ATP6V1H: variants seen among roughly 807,000 people sequenced by gnomAD.
ATP6V1H encodes the protein V-type proton ATPase subunit H.
A neutral mutation model predicts 71.7 loss-of-function variants in ATP6V1H; 39 were observed. The observed-to-expected ratio is 0.54, with a 90% CI of 0.42 to 0.71. The LOEUF is 0.71. Ranked by LOEUF, ATP6V1H falls within the 30% of genes least tolerant of loss-of-function variation. The pLI is 0.00. For missense variants in ATP6V1H, 509 were observed against 594.9 expected (o/e 0.86, Z 1.50); for synonymous variants, 192 against 199.3 (o/e 0.96, Z 0.31).
Position 53,795,643 on chromosome 8 carries a change from T to A in ATP6V1H, c.870+4A>T. On this transcript the variant is annotated splice_donor_region_variant and intron_variant, in intron 9 of 13. Coordinates refer to ENST00000359530, the MANE Select transcript of ATP6V1H (RefSeq NM_015941.4). ...ATACACACAAACCAACATAAAACACTTACACGAAATGCTGCAAGAATGATT... is the reference window on the plus strand; with the variant it reads ...ATACACACAAACCAACATAAAACACATACACGAAATGCTGCAAGAATGATT... 1 of 1,612,176 alleles carries A rather than the reference T, an allele frequency of 6.2e-7. No individual in the cohort carries two copies. The highest frequency in any genetic ancestry group is 8.5e-7 in the Non-Finnish European group (1 of 1,179,446).
chr8:53,825,355 A>T (rs1027689942), intron 4 of ATP6V1H, among the ~76,000 whole-genome samples: 2 of 151,612 alleles, frequency 1.3e-5, no homozygotes, highest in East Asian at 3.9e-4. Context: ...TTTTTTTTTT[A>T]AATAGTAACT....
At chr8:53,830,555 T>TA (rs920238452) in intron 3 of ATP6V1H, among the ~76,000 whole-genome samples, 37 of 145,886 alleles carry the variant, frequency 2.5e-4, no homozygotes, top group South Asian at 6.4e-4. Flanking sequence ...TAAGCAAAAT[T>TA]AAAAAAAAAA....
chr8:53,837,397 G>A (rs1349115956), intron 2 of ATP6V1H, among the ~76,000 whole-genome samples: 1 of 151,850 alleles, frequency 6.6e-6, no homozygotes, highest in Non-Finnish European at 1.5e-5. Context: ...TTTTCAGCCT[G>A]CACTCCAGTG....
intron 4 of ATP6V1H, among the ~76,000 whole-genome samples, chr8:53,818,205 T>C (rs994969117): frequency 2.6e-5 from 4 of 152,198 alleles, no homozygotes; most frequent in African/African-American, 9.6e-5. Flanking sequence ...TTTTAAAAAT[T>C]TTTTTACTAC....
rs200203684 is a variant in ATP6V1H, at chr8:53,834,427, TTTTG to T, written c.114-1345_114-1342del. 8.0e-3 allele frequency among the ~76,000 whole-genome samples: 1,212 copies of T among 152,284 alleles called. 4 individuals carry two copies. The highest frequency in any genetic ancestry group is 0.015 in the South Asian group (74 of 4,824). On this transcript the variant is annotated intron_variant, in intron 2 of 13. Transcript: ENST00000359530. ...CAACACCAATATAGTTTTTTTGGTT[TTTTG>T]TTTGTTTGTTTTTGAGACAGAGTCT...
rs78731412 is a variant in ATP6V1H, at chr8:53,813,836, C to T, written c.525+826G>A. ...AAGCAACCAACATGACCAGTAGGTT[C>T]GTTAGGCCTAACTAATCCCACCCTG... On this transcript the variant is annotated intron_variant, in intron 6 of 13. Transcript: ENST00000359530. Among the ~76,000 whole-genome samples, 1,272 of 152,296 alleles carry T rather than the reference C, an allele frequency of 8.4e-3. 3 individuals carry two copies. Among genetic ancestry groups the T allele is most frequent in the Non-Finnish European group, 0.012 (825 of 68,032 alleles).
chr8:53,742,753 C>T (rs181226276), intron 13 of ATP6V1H, among the ~76,000 whole-genome samples: 2 of 152,356 alleles, frequency 1.3e-5, no homozygotes, highest in East Asian at 3.9e-4. Flanking sequence ...TCTTCAAACG[C>T]ACTCATGCTA....
At position 53,833,033 on chromosome 8, in the gene ATP6V1H, T is replaced by G. The variant is rs138026322; in HGVS notation, c.167A>C (p.Lys56Thr). Residue 56 changes from lysine (K) to threonine (T), a missense_variant, in exon 3 of 14, where the codon AAA (lysine) becomes ACA (threonine). By Grantham distance (78) the Lys-to-Thr change is moderately conservative. Around this residue, in one of 2 missense-constraint regions of ATP6V1H, gnomAD observed 297 missense variants for 303.3 expected, o/e 0.98. Coordinates refer to ENST00000359530, the MANE Select transcript of ATP6V1H (RefSeq NM_015941.4). ...DCEFIQRFEMKRSPEEKQEML... is the reference protein window; with the variant it reads ...DCEFIQRFEMTRSPEEKQEML... ...CTCTTGCTTCTCTTCAGGGCTTCGT[T>G]TCATTTCAAACCTCTGAATAAACTC... 2.5e-6 allele frequency: 4 copies of G among 1,613,986 alleles called. No homozygotes were observed. Among genetic ancestry groups the G allele is most frequent in the Non-Finnish European group, 3.4e-6 (4 of 1,179,916 alleles).
intron 7 of ATP6V1H, among the ~76,000 whole-genome samples, chr8:53,806,023 T>A (rs949740189): frequency 6.6e-6 from 1 of 152,172 alleles, no homozygotes; most frequent in South Asian, 2.1e-4. Flanking sequence ...TATACATTTA[T>A]CTCGCTGAAC....
chr8:53,790,821 A>G (rs1809542574), intron 9 of ATP6V1H, among the ~76,000 whole-genome samples: 1 of 152,228 alleles, frequency 6.6e-6, no homozygotes, highest in Admixed American at 6.5e-5. Flanking sequence ...TAGTTGTAGT[A>G]AAGGAACAGA....
In ATP6V1H at chr8:53,833,059, A is replaced by G. The variant is rs781746109; in HGVS notation, c.141T>C (p.Cys47=). 1 of 1,613,698 alleles carries G rather than the reference A, an allele frequency of 6.2e-7. No homozygotes were observed. The highest frequency in any genetic ancestry group is 8.5e-7 in the Non-Finnish European group (1 of 1,179,744). Residue 47 remains cysteine, a synonymous_variant, in exon 3 of 14, where the codon TGT becomes TGC. Transcript: ENST00000359530. The part of the protein sequence containing the change: ...LQGQMISAED[C]EFIQRFEMKR... Reference sequence around the variant, plus strand: ...TCATTTCAAACCTCTGAATAAACTCACAATCTTCAGCAGAAATCATCTGTC... The same window carrying G: ...TCATTTCAAACCTCTGAATAAACTCGCAATCTTCAGCAGAAATCATCTGTC...
At chr8:53,837,810 G>A (rs1811207668) in intron 2 of ATP6V1H, among the ~76,000 whole-genome samples, 1 of 152,198 alleles carries the variant, frequency 6.6e-6, no homozygotes, top group Admixed American at 6.5e-5. Flanking sequence ...CAGAGCACAT[G>A]CAAGGGGAAC....
At position 53,715,971 on chromosome 8, in the gene ATP6V1H, C is replaced by T. The variant is rs773896222; in HGVS notation, c.1445G>A (p.Arg482Gln). 8.1e-6 allele frequency: 13 copies of T among 1,607,386 alleles called. No homozygotes were observed. The highest frequency in any genetic ancestry group is 5.3e-5 in the African/African-American group (4 of 74,894). Residue 482 changes from arginine (R) to glutamine (Q), a missense_variant, in exon 14 of 14, where the codon CGA becomes CAA. This residue lies in a region of ATP6V1H where 212 missense variants were observed against 291.6 expected (regional missense o/e 0.73). Transcript: ENST00000359530. Reference protein sequence around the residue: ...QSEQPQTAAARS With the variant: ...QSEQPQTAAAQS ...GGAAGGCCAGAGGCAGGCTTAGCTT[C>T]GGGCGGCAGCGGTCTGGGGCTGCTC...
At chr8:53,719,764 A>G (rs1227928820) in intron 13 of ATP6V1H, among the ~76,000 whole-genome samples, 2 of 152,356 alleles carry the variant, frequency 1.3e-5, no homozygotes, top group African/African-American at 4.8e-5. Context: ...ACAGGGCCTC[A>G]GAAAACTTCA....
rs186623550 is a variant in ATP6V1H, at chr8:53,769,168, C to T, written c.1175+450G>A. Among the ~76,000 whole-genome samples the T allele has an allele frequency of 2.2e-3, 334 of 152,174 alleles. 2 individuals are homozygous for T. The highest frequency in any genetic ancestry group is 7.8e-3 in the African/African-American group (323 of 41,526). ...ACAATAAAGCTTCTAGGAGATATCA[C>T]ATAAAGACATCTTCATGACCTTGAG... On this transcript the variant is annotated intron_variant, in intron 11 of 13. Coordinates refer to ENST00000359530, the MANE Select transcript of ATP6V1H (RefSeq NM_015941.4).
intron 9 of ATP6V1H, among the ~76,000 whole-genome samples, chr8:53,786,682 T>G (rs1206328761): frequency 6.6e-6 from 1 of 152,224 alleles, no homozygotes; most frequent in Non-Finnish European, 1.5e-5. Flanking sequence ...CTGAAATATG[T>G]TATTCCTTCT....
At chr8:53,759,525 C>A (rs1808188731) in intron 11 of ATP6V1H, among the ~76,000 whole-genome samples, 1 of 152,220 alleles carries the variant, frequency 6.6e-6, no homozygotes, top group African/African-American at 2.4e-5. Flanking sequence ...ATCCAGGCAG[C>A]AACACACCAC....
At chr8:53,732,526 T>C (rs903450856) in intron 13 of ATP6V1H, among the ~76,000 whole-genome samples, 3 of 151,992 alleles carry the variant, frequency 2.0e-5, no homozygotes, top group African/African-American at 4.8e-5. Context: ...CAGGGAACAA[T>C]TGGCCATGTA....
intron 9 of ATP6V1H, among the ~76,000 whole-genome samples, chr8:53,784,841 T>G (rs181924211): frequency 6.6e-6 from 1 of 152,206 alleles, no homozygotes; most frequent in African/African-American, 2.4e-5. Flanking sequence ...AAAATTCCTT[T>G]CTTTAAGAAT....
Sources: gnomAD v4.1 joint callset for allele counts (sites outside exome capture counted in the v4.1 genomes callset) on GRCh38, gnomAD v4.1.1 for gene constraint, gnomAD v4.1.1 regional missense constraint, MANE v1.5 for transcripts, NCBI Gene and HGNC (gene_info 2026-07-23, HGNC 2026-07-21) for gene names.